TMEM108: variants seen among roughly 807,000 people sequenced by gnomAD.
The protein encoded by TMEM108 is cancer/testis antigen 124.
In TMEM108, 12 loss-of-function variants were observed where a neutral mutation model predicts 35.1. The observed-to-expected ratio is 0.34, with a 90% CI of 0.22 to 0.55. The LOEUF (loss-of-function observed/expected upper bound fraction) is 0.55. Ranked by LOEUF, TMEM108 falls within the 20% of genes least tolerant of loss-of-function variation. The pLI is 0.89. For missense variants in TMEM108, 680 were observed against 753.3 expected (o/e 0.90, Z 1.14); for synonymous variants, 287 against 308.6 (o/e 0.93, Z 0.73).
In TMEM108 at chr3:133,223,295, A is replaced by T. The variant is rs548952585; in HGVS notation, c.-46-5971A>T. On this transcript the variant is annotated intron_variant, in intron 2 of 5. Transcript: ENST00000321871. ...CTGAGCAGGTCGTCTGATGTTGTCC[A>T]TTAGCAGGCATGCTGTTGGAGTCTT... Among the ~76,000 whole-genome samples, 3 of 152,256 alleles carry T rather than the reference A, an allele frequency of 2.0e-5. No individual in the cohort carries two copies. In the East Asian group the frequency reaches 5.8e-4, roughly 29 times the overall value.
At chr3:133,286,212 G>C (rs1946982882) in intron 3 of TMEM108, among the ~76,000 whole-genome samples, 1 of 152,192 alleles carries the variant, frequency 6.6e-6, no homozygotes, top group African/African-American at 2.4e-5. Flanking sequence ...ATGGGATGAT[G>C]TAAAGTGATA....
chr3:133,051,611 T>C (rs986730065), intron 2 of TMEM108, among the ~76,000 whole-genome samples: 2 of 152,138 alleles, frequency 1.3e-5, no homozygotes, highest in African/African-American at 4.8e-5. Context: ...TTAGGTTTTT[T>C]CCTGTGTTAT....
chr3:133,121,863 A>G (rs1393475565), intron 2 of TMEM108, among the ~76,000 whole-genome samples: 1 of 152,176 alleles, frequency 6.6e-6, no homozygotes, highest in East Asian at 1.9e-4. Flanking sequence ...ATGAAAGGCA[A>G]TGCTCTATTT....
In TMEM108 at chr3:133,380,491, C is replaced by T. The variant is rs1229833404; in HGVS notation, c.780C>T (p.Ser260=). 2.5e-6 allele frequency: 4 copies of T among 1,613,958 alleles called. No individual in the cohort carries two copies. Among genetic ancestry groups the T allele is most frequent in the Non-Finnish European group, 3.4e-6 (4 of 1,179,974 alleles). The part of the protein sequence containing the change: ...PQTVAATTVP[S]NTSWAPTTTS... ...CAGTGGCTGCGACCACAGTGCCCAG[C>T]AATACCTCATGGGCACCCACCACCA... is the stretch of plus-strand genomic sequence containing the variant. Residue 260 remains serine (S), a synonymous_variant, in exon 4 of 6, where the codon AGC becomes AGT. Transcript: ENST00000321871. The surrounding 1 kb of genome is among the most constrained non-coding windows in gnomAD (Gnocchi z 5.3).
In TMEM108 at chr3:133,165,492, G is replaced by GA. The variant is rs1199196885; in HGVS notation, c.-46-63774_-46-63773insA. Among the ~76,000 whole-genome samples, 21 of 151,798 alleles carry GA rather than the reference G, an allele frequency of 1.4e-4. No individual in the cohort carries two copies. In the South Asian group the frequency reaches 2.7e-3, roughly 20 times the overall value. ...AACTCCTCATGACATATTGGTAAGT[G>GA]GAGAAAAAAAAAGACTATAGACTGT... On this transcript the variant is annotated intron_variant, in intron 2 of 5. Coordinates refer to ENST00000321871, the MANE Select transcript of TMEM108 (RefSeq NM_023943.4).
intron 3 of TMEM108, among the ~76,000 whole-genome samples, chr3:133,377,785 C>T (rs1434863128): frequency 2.0e-5 from 3 of 151,742 alleles, no homozygotes; most frequent in East Asian, 3.9e-4. Context: ...GGTGGGAGGC[C>T]GGTGAGCCAG....
chr3:133,370,877 T>TGTGTGTGTGTGTGTG (rs1165210598), intron 3 of TMEM108, among the ~76,000 whole-genome samples: 1 of 63,822 alleles, frequency 1.6e-5, no homozygotes, highest in African/African-American at 4.7e-5. Flanking sequence ...CCATAGTGTG[T>TGTGTGTGTGTGTGTG]GTGTGTGTGT....
chr3:133,130,014 A>G (rs1022296432), intron 2 of TMEM108, among the ~76,000 whole-genome samples: 3 of 2,510 alleles, frequency 1.2e-3, no homozygotes, highest in Non-Finnish European at 1.0e-3. Context: ...TTTTTTGCAA[A>G]TAATACATTT....
At chr3:133,059,314 A>T (rs1284071741) in intron 2 of TMEM108, among the ~76,000 whole-genome samples, 4 of 152,146 alleles carry the variant, frequency 2.6e-5, no homozygotes, top group South Asian at 2.1e-4. Flanking sequence ...TACCATTCTT[A>T]TATATTTTTT....
intron 3 of TMEM108, among the ~76,000 whole-genome samples, chr3:133,297,811 C>T (rs931280670): frequency 2.0e-5 from 3 of 152,158 alleles, no homozygotes; most frequent in African/African-American, 7.2e-5. Flanking sequence ...AGAACAAGCA[C>T]CCCTCCAGGC....
At chr3:133,100,985 A>G (rs1260587021) in intron 2 of TMEM108, among the ~76,000 whole-genome samples, 1 of 150,938 alleles carries the variant, frequency 6.6e-6, no homozygotes, top group Non-Finnish European at 1.5e-5. Flanking sequence ...TTATACCTAC[A>G]TTAAGAACAT....
intron 3 of TMEM108, among the ~76,000 whole-genome samples, chr3:133,307,480 TC>T (rs2071057944): frequency 6.6e-6 from 1 of 152,202 alleles, no homozygotes; most frequent in Non-Finnish European, 1.5e-5. Context: ...GCCTAGTTTT[TC>T]TTCTAGGGTT....
In TMEM108 at chr3:133,381,029, A is replaced by G. The variant is rs1324786764; in HGVS notation, c.1318A>G (p.Lys440Glu). 6.2e-7 allele frequency: 1 copy of G among 1,614,196 alleles called. No individual in the cohort carries two copies. The part of the protein sequence containing the change: ...LNRLVPAGTW[K>E]PGTAGNISHV... Reference sequence around the variant, plus strand: ...CCGCCTGGTCCCCGCCGGGACCTGGAAGCCTGGGACAGCAGGGAACATCTC... The same window carrying G: ...CCGCCTGGTCCCCGCCGGGACCTGGGAGCCTGGGACAGCAGGGAACATCTC... Residue 440 changes from lysine to glutamate, a missense_variant, in exon 4 of 6, where the codon AAG (lysine) becomes GAG (glutamate). Around this residue, in one of 3 missense-constraint regions of TMEM108, gnomAD observed 526 missense variants for 532.1 expected, o/e 0.99. Coordinates refer to ENST00000321871, the MANE Select transcript of TMEM108 (RefSeq NM_023943.4).
intron 2 of TMEM108, among the ~76,000 whole-genome samples, chr3:133,069,486 C>G (rs939221640): frequency 6.6e-6 from 1 of 152,118 alleles, no homozygotes; most frequent in Non-Finnish European, 1.5e-5. Context: ...ATCTGGGGGA[C>G]TTATTCAAAT....
intron 5 of TMEM108, among the ~76,000 whole-genome samples, chr3:133,393,661 C>G (rs2073266548): frequency 6.6e-6 from 1 of 152,144 alleles, no homozygotes; most frequent in Non-Finnish European, 1.5e-5. Flanking sequence ...TTCCTGAGAT[C>G]TGTTGTAGTA....
At chr3:133,269,104 T>C (rs892588668) in intron 3 of TMEM108, among the ~76,000 whole-genome samples, 1 of 152,186 alleles carries the variant, frequency 6.6e-6, no homozygotes, top group Non-Finnish European at 1.5e-5. Flanking sequence ...ACATTGGCCA[T>C]GTGTCAATCT....
chr3:133,143,324 G>C (rs188672961), intron 2 of TMEM108, among the ~76,000 whole-genome samples: 52 of 151,866 alleles, frequency 3.4e-4, no homozygotes, highest in African/African-American at 1.2e-3. Context: ...GGAATGCTTA[G>C]ATCTGACTTA....
At chr3:133,178,900 A>C (rs1187224582) in intron 2 of TMEM108, among the ~76,000 whole-genome samples, 1 of 152,180 alleles carries the variant, frequency 6.6e-6, no homozygotes, top group East Asian at 1.9e-4. Context: ...AAATTTTTGC[A>C]ATCTACTCAT....
intron 3 of TMEM108, among the ~76,000 whole-genome samples, chr3:133,334,340 C>T (rs934555088): frequency 2.0e-5 from 3 of 152,096 alleles, no homozygotes; most frequent in Admixed American, 6.6e-5. Flanking sequence ...AGACAAAAAA[C>T]GAGACCCAGT....
Sources: gnomAD v4.1 joint callset for allele counts (sites outside exome capture counted in the v4.1 genomes callset) on GRCh38, gnomAD v4.1.1 for gene constraint, gnomAD v4.1.1 regional missense constraint, Gnocchi (gnomAD v3.1) non-coding constraint, MANE v1.5 for transcripts, NCBI Gene and HGNC (gene_info 2026-07-23, HGNC 2026-07-21) for gene names.